Variants in ESRRG observed in about 807,000 individuals in gnomAD.
ESRRG encodes the protein estrogen related receptor gamma.
A neutral mutation model predicts 44.0 loss-of-function variants in ESRRG; 13 were observed. That is an observed-to-expected ratio of 0.30 (90% CI 0.19 to 0.47). The LOEUF is 0.47. Among genes scored for constraint, ESRRG ranks in the 20% least tolerant of loss-of-function variants. ESRRG has a pLI of 1.00. For synonymous variants in ESRRG, 215 were observed against 214.6 expected, an observed-to-expected ratio of 1.00 and a Z score of -0.02; for missense variants, 395 against 580.6, an observed-to-expected ratio of 0.68 and a Z score of 3.29.
intron 1 of ESRRG, among the ~76,000 whole-genome samples, chr1:217,119,050 G>GAT (rs1558282072): frequency 1.4e-4 from 19 of 139,656 alleles, no homozygotes; most frequent in African/African-American, 5.1e-4. Flanking sequence ...TAGATAGATA[G>GAT]AGACACAGAT....
chr1:216,923,688 A>G (rs1457380957), intron 2 of ESRRG, among the ~76,000 whole-genome samples: 1 of 152,214 alleles, frequency 6.6e-6, no homozygotes, highest in Non-Finnish European at 1.5e-5. Flanking sequence ...TTCCATCAAC[A>G]TTCCATGCAT....
intron 2 of ESRRG, among the ~76,000 whole-genome samples, chr1:216,793,826 G>C (rs1429419073): frequency 6.6e-6 from 1 of 152,024 alleles, no homozygotes; most frequent in Non-Finnish European, 1.5e-5. Flanking sequence ...TTCATCTACA[G>C]GTTTAGCAGA....
At chr1:216,921,684 C>A (rs2061871557) in intron 2 of ESRRG, among the ~76,000 whole-genome samples, 1 of 152,214 alleles carries the variant, frequency 6.6e-6, no homozygotes, top group Non-Finnish European at 1.5e-5. Flanking sequence ...CTCCTGCTTT[C>A]TCTCCATGGC....
At chr1:216,616,954 G>T (rs1537810) in intron 3 of ESRRG, among the ~76,000 whole-genome samples, 123,199 of 152,072 alleles carry the variant, frequency 0.81, 50,080 homozygotes, top group African/African-American at 0.83. Context: ...TCACCTCAGG[G>T]TTTTTTCTTC....
At chr1:216,676,848 T>C (rs1332888457) in intron 2 of ESRRG, among the ~76,000 whole-genome samples, 1 of 152,200 alleles carries the variant, frequency 6.6e-6, no homozygotes, top group Non-Finnish European at 1.5e-5. Flanking sequence ...TTTATTATCC[T>C]TGCACCATTA....
chr1:216,599,544 C>G (rs2058911246), intron 3 of ESRRG, among the ~76,000 whole-genome samples: 1 of 152,160 alleles, frequency 6.6e-6, no homozygotes, highest in Admixed American at 6.5e-5. Flanking sequence ...TTATCCCTTT[C>G]TTACAAAGAG....
chr1:216,881,040 A>C (rs1217968032), intron 2 of ESRRG, among the ~76,000 whole-genome samples: 4 of 152,192 alleles, frequency 2.6e-5, no homozygotes, highest in African/African-American at 9.7e-5. Flanking sequence ...ACACAACATA[A>C]AAGAAAAAAA....
intron 3 of ESRRG, among the ~76,000 whole-genome samples, chr1:216,605,669 G>A (rs536605223): frequency 4.6e-5 from 7 of 151,994 alleles, no homozygotes; most frequent in East Asian, 1.9e-4. Flanking sequence ...TGTGGAACTC[G>A]GGAAAGACAT....
At chr1:216,727,763 AC>A (rs1353990537), upstream of ESRRG, among the ~76,000 whole-genome samples, 1 of 151,766 alleles carries the variant, frequency 6.6e-6, no homozygotes, top group African/African-American at 2.4e-5. Flanking sequence ...CTTTTGACAA[AC>A]CTCTTGTCCT....
intron 2 of ESRRG, among the ~76,000 whole-genome samples, chr1:216,811,136 T>C (rs1382496468): frequency 6.6e-6 from 1 of 152,172 alleles, no homozygotes; most frequent in Non-Finnish European, 1.5e-5. Context: ...ATTTCCTTTT[T>C]AAATAAGAGA....
intron 1 of ESRRG, among the ~76,000 whole-genome samples, chr1:217,082,964 C>T (rs1360508172): frequency 6.6e-6 from 1 of 152,196 alleles, no homozygotes; most frequent in African/African-American, 2.4e-5. Context: ...ATTTCTGTCT[C>T]TTTTAAACTT....
chr1:216,707,800 A>G (rs1289187655), intron 1 of ESRRG, among the ~76,000 whole-genome samples: 3 of 152,224 alleles, frequency 2.0e-5, no homozygotes, highest in Non-Finnish European at 4.4e-5. Flanking sequence ...AACACATGTA[A>G]TATTTTTTGA....
Position 216,648,005 on chromosome 1 carries a change from T to TTAC in ESRRG, c.589+2967_589+2968insGTA, listed in dbSNP as rs1386614711. On this transcript the variant is annotated intron_variant, in intron 3 of 6. Transcript: ENST00000408911. ...TGGACTGCTGTGGTCAACACGGGGG[T>TTAC]TGTAGCAGCAAATTTTATTACAGAC... 1.1e-4 allele frequency among the ~76,000 whole-genome samples: 17 copies of TTAC among 152,244 alleles called. No individual in the cohort carries two copies. In the South Asian group the frequency reaches 3.1e-3, roughly 28 times the overall value.
At chr1:216,579,603 GT>G (rs2062351999) in intron 3 of ESRRG, among the ~76,000 whole-genome samples, 1 of 152,028 alleles carries the variant, frequency 6.6e-6, no homozygotes, top group East Asian at 1.9e-4. Flanking sequence ...GCTGAAAAAA[GT>G]TTGTATTTGT....
intron 1 of ESRRG, among the ~76,000 whole-genome samples, chr1:216,974,233 G>A (rs2072380870): frequency 1.3e-5 from 2 of 152,096 alleles, no homozygotes; most frequent in Admixed American, 1.3e-4. Flanking sequence ...GAATTGGAAT[G>A]TTCCCAAAAC....
chr1:216,702,246 T>C (rs2081505716), intron 1 of ESRRG, among the ~76,000 whole-genome samples: 1 of 152,082 alleles, frequency 6.6e-6, no homozygotes, highest in Admixed American at 6.6e-5. Context: ...CAAATAAAAA[T>C]AAAATTAACA....
chr1:216,779,155 TATAA>T, intron 2 of ESRRG, among the ~76,000 whole-genome samples: 1 of 106,678 alleles, frequency 9.4e-6, no homozygotes, highest in Admixed American at 1.3e-4. Flanking sequence ...TTTATATATA[TATAA>T]AATAAATATA....
chr1:216,842,859 T>A (rs2095673965), intron 2 of ESRRG, among the ~76,000 whole-genome samples: 1 of 152,236 alleles, frequency 6.6e-6, no homozygotes, highest in African/African-American at 2.4e-5. Context: ...CCAGCTGTGA[T>A]CTGACATACA....
chr1:216,824,372 G>A (rs2095354836), intron 2 of ESRRG, among the ~76,000 whole-genome samples: 1 of 152,184 alleles, frequency 6.6e-6, no homozygotes, highest in Non-Finnish European at 1.5e-5. Context: ...CTTGAACAGG[G>A]GAGGGGGAGG....
Sources: gnomAD v4.1 joint callset for allele counts (sites outside exome capture counted in the v4.1 genomes callset) on GRCh38, gnomAD v4.1.1 for gene constraint, MANE v1.5 for transcripts, NCBI Gene and HGNC (gene_info 2026-07-23, HGNC 2026-07-21) for gene names.